Variants in BABAM2 observed in about 807,000 individuals in gnomAD.
BABAM2 encodes the protein BRISC and BRCA1 A complex member 2.
Under a neutral mutation model 54.7 loss-of-function variants are expected in BABAM2, and 31 were observed. The ratio of observed to expected loss-of-function variants is 0.57; its 90% CI spans 0.43 to 0.77. The LOEUF is 0.77. Ranked by LOEUF, BABAM2 falls within the 30% of genes least tolerant of loss-of-function variation. The probability of loss-of-function intolerance (pLI) is 0.00; values close to 1 mark genes in which losing one functional copy is unlikely to be tolerated. For missense variants in BABAM2, 364 were observed against 455.8 expected, an observed-to-expected ratio of 0.80 and a Z score of 1.83; for synonymous variants, 167 against 162.9, an observed-to-expected ratio of 1.03 and a Z score of -0.19.
rs111372458 is a variant in BABAM2, at chr2:28,193,045, G to A, written c.681-44157G>A. Among the ~76,000 whole-genome samples, 562 of 151,752 alleles carry A rather than the reference G, an allele frequency of 3.7e-3. 3 individuals carry two copies. Among genetic ancestry groups the A allele is most frequent in the Non-Finnish European group, 4.6e-3 (312 of 67,928 alleles). ...AAAAAGTAGCTGGGCGTGGTGGTGCGCACCTGTAATCCCAGCTACTCAGGA... is the reference window on the plus strand; with the variant it reads ...AAAAAGTAGCTGGGCGTGGTGGTGCACACCTGTAATCCCAGCTACTCAGGA... On this transcript the variant is annotated intron_variant, in intron 7 of 11. Transcript: ENST00000379624.
intron 2 of BABAM2, among the ~76,000 whole-genome samples, chr2:27,899,701 A>G (rs1404075021): frequency 6.6e-6 from 1 of 152,142 alleles, no homozygotes; most frequent in African/African-American, 2.4e-5. Flanking sequence ...TCCTGACCTC[A>G]GGTGATCTAC....
intron 7 of BABAM2, chr2:28,233,218 A>G (rs770070702): frequency 8.5e-6 from 4 of 471,450 alleles, no homozygotes; most frequent in African/African-American, 8.0e-5. Flanking sequence ...GATCAGAAGT[A>G]TCAGTGCCAA....
chr2:28,000,050 A>T (rs1673471134), intron 4 of BABAM2, among the ~76,000 whole-genome samples: 1 of 152,178 alleles, frequency 6.6e-6, no homozygotes, highest in Non-Finnish European at 1.5e-5. Flanking sequence ...AGAGTTCCTA[A>T]GTGCCCCACA....
chr2:28,293,925 A>G (rs1339375525), intron 10 of BABAM2, among the ~76,000 whole-genome samples: 1 of 152,228 alleles, frequency 6.6e-6, no homozygotes, highest in East Asian at 1.9e-4. Context: ...AAACAGGTGC[A>G]GACCATCCCC....
At chr2:28,163,849 C>T (rs1159228470) in intron 7 of BABAM2, among the ~76,000 whole-genome samples, 1 of 151,832 alleles carries the variant, frequency 6.6e-6, no homozygotes, top group African/African-American at 2.4e-5. Context: ...TGAGGCCATC[C>T]ACCCCTTGTG....
At chr2:27,911,432 A>G (rs1666588139) in intron 2 of BABAM2, among the ~76,000 whole-genome samples, 1 of 152,030 alleles carries the variant, frequency 6.6e-6, no homozygotes, top group South Asian at 2.1e-4. Flanking sequence ...GAAGAAAGAA[A>G]GGGGTGGATT....
intron 10 of BABAM2, among the ~76,000 whole-genome samples, chr2:28,263,467 C>T (rs979840715): frequency 2.6e-5 from 4 of 152,178 alleles, no homozygotes; most frequent in African/African-American, 9.7e-5. Flanking sequence ...CTAAAGCTTC[C>T]CAATCCATGT....
chr2:28,085,244 A>G (rs1665536303), intron 6 of BABAM2, among the ~76,000 whole-genome samples: 2 of 152,248 alleles, frequency 1.3e-5, no homozygotes, highest in South Asian at 4.1e-4. Flanking sequence ...TTTAAGGTGC[A>G]TATTAAGCTT....
chr2:28,231,982 T>A (rs1463228454), intron 7 of BABAM2, among the ~76,000 whole-genome samples: 1 of 151,714 alleles, frequency 6.6e-6, no homozygotes, highest in Non-Finnish European at 1.5e-5. Context: ...TAATTTTTAA[T>A]TTTTTTAGAG....
chr2:28,222,968 T>C (rs1357163563), intron 7 of BABAM2, among the ~76,000 whole-genome samples: 3 of 152,228 alleles, frequency 2.0e-5, no homozygotes, highest in Non-Finnish European at 4.4e-5. Flanking sequence ...CTTGTTACTA[T>C]TGTGGCTGTT....
At chr2:28,072,481 G>A (rs1173901968) in intron 6 of BABAM2, among the ~76,000 whole-genome samples, 2 of 151,670 alleles carry the variant, frequency 1.3e-5, no homozygotes, top group Non-Finnish European at 2.9e-5. Flanking sequence ...CGCTTCCCGG[G>A]TTCATGCCAT....
At chr2:28,108,043 G>A (rs1667678655) in intron 6 of BABAM2, among the ~76,000 whole-genome samples, 1 of 152,134 alleles carries the variant, frequency 6.6e-6, no homozygotes. Flanking sequence ...TGGAGCATTA[G>A]GAGGATTATT....
intron 6 of BABAM2, among the ~76,000 whole-genome samples, chr2:28,073,021 T>C (rs915829559): frequency 6.6e-6 from 1 of 152,228 alleles, no homozygotes; most frequent in Non-Finnish European, 1.5e-5. Context: ...TTTAATGCCA[T>C]GCTGCCTTTC....
intron 7 of BABAM2, among the ~76,000 whole-genome samples, chr2:28,145,264 ATC>A (rs1303073083): frequency 2.6e-5 from 4 of 152,278 alleles, no homozygotes; most frequent in African/African-American, 9.6e-5. Context: ...GTAAATACGC[ATC>A]TCTTCTCCTT....
At chr2:28,100,330 C>T (rs541035858) in intron 6 of BABAM2, among the ~76,000 whole-genome samples, 58 of 151,946 alleles carry the variant, frequency 3.8e-4, no homozygotes, top group African/African-American at 1.3e-3. Flanking sequence ...TGTGGTGGCG[C>T]GTGCCTGTAA....
At chr2:28,152,010 A>AG (rs11423536) in intron 7 of BABAM2, among the ~76,000 whole-genome samples, 71,615 of 151,924 alleles carry the variant, frequency 0.47, 17,488 homozygotes, top group Middle Eastern at 0.59. Flanking sequence ...CTAGTTCTGC[A>AG]GGGGGCTGTT....
intron 7 of BABAM2, among the ~76,000 whole-genome samples, chr2:28,224,608 A>G (rs1434002690): frequency 6.6e-6 from 1 of 152,192 alleles, no homozygotes; most frequent in Non-Finnish European, 1.5e-5. Flanking sequence ...CTCTGCTGAC[A>G]ATGCAAGCTC....
intron 7 of BABAM2, among the ~76,000 whole-genome samples, chr2:28,172,486 C>T (rs1044372693): frequency 9.2e-5 from 14 of 152,330 alleles, no homozygotes; most frequent in Admixed American, 7.2e-4. Flanking sequence ...AAGCACACTA[C>T]ACAGTGACTG....
intron 4 of BABAM2, among the ~76,000 whole-genome samples, chr2:28,000,181 A>T (rs1335226864): frequency 1.3e-5 from 2 of 151,952 alleles, no homozygotes; most frequent in South Asian, 4.1e-4. Context: ...GATTTTAAAA[A>T]TTTTTTCTTA....
Sources: gnomAD v4.1 joint callset for allele counts (sites outside exome capture counted in the v4.1 genomes callset) on GRCh38, gnomAD v4.1.1 for gene constraint, MANE v1.5 for transcripts, NCBI Gene and HGNC (gene_info 2026-07-23, HGNC 2026-07-21) for gene names.